The following ZNF254 variants were observed in gnomAD, a reference collection of about 807,000 sequenced individuals.
ZNF254 encodes the protein CTD-2017D11.1.
A neutral mutation model predicts 12.4 loss-of-function variants in ZNF254; 10 were observed. The ratio of observed to expected loss-of-function variants is 0.80; its 90% CI spans 0.50 to 1.36. The LOEUF is 1.36. ZNF254 is among the 40% of genes most tolerant of loss of function. ZNF254 has a pLI of 0.00. For missense variants in ZNF254, 996 were observed against 763.9 expected, an observed-to-expected ratio of 1.30 and a Z score of -3.58; for synonymous variants, 305 against 253.4, an observed-to-expected ratio of 1.20 and a Z score of -1.93.
At chr19:24,090,223 C>A (rs1334277100) in intron 1 of ZNF254, among the ~76,000 whole-genome samples, 1 of 151,678 alleles carries the variant, frequency 6.6e-6, no homozygotes, top group African/African-American at 2.4e-5. Flanking sequence ...CCGCAAAAAA[C>A]TGACCCCAGT....
At chr19:24,106,294 T>G in intron 2 of ZNF254, 1 of 606,638 alleles carries the variant, frequency 1.6e-6, no homozygotes, top group South Asian at 2.4e-5. Flanking sequence ...TTCAGAAGTT[T>G]AGTGGCATAA....
intron 1 of ZNF254, among the ~76,000 whole-genome samples, chr19:24,089,147 T>C (rs1972213719): frequency 1.3e-5 from 2 of 152,032 alleles, no homozygotes; most frequent in Non-Finnish European, 2.9e-5. Flanking sequence ...TGGCTAATTT[T>C]GTGTTTTTAG....
At chr19:24,076,655 G>T (rs1971670791) in intron 2 of ZNF254, among the ~76,000 whole-genome samples, 1 of 151,648 alleles carries the variant, frequency 6.6e-6, no homozygotes. Flanking sequence ...TATTTGAATT[G>T]CAGTGAATAA....
chr19:24,052,089 T>C (rs1467448123), intron 2 of ZNF254, among the ~76,000 whole-genome samples: 1 of 152,166 alleles, frequency 6.6e-6, no homozygotes, highest in Non-Finnish European at 1.5e-5. Context: ...TAGTGTGACA[T>C]ATTGCTGAGC....
rs569487294 is a variant in ZNF254, at chr19:24,041,079, G to C, written c.-189-5105G>C. Among the ~76,000 whole-genome samples the C allele has an allele frequency of 3.0e-4, 45 of 152,344 alleles. No individual in the cohort carries two copies. The East Asian group carries it at 8.5e-3, about 29-fold the overall frequency. Reference sequence around the variant, plus strand: ...TTGAGAAGCAATGGTCAGCTAAGTGGTTCTTAGCCCAGGCTTCCAGTTAGG... The same window carrying C: ...TTGAGAAGCAATGGTCAGCTAAGTGCTTCTTAGCCCAGGCTTCCAGTTAGG... On this transcript the variant is annotated intron_variant, in intron 1 of 4. Transcript: ENST00000613065.
intron 2 of ZNF254, among the ~76,000 whole-genome samples, chr19:24,053,984 C>T (rs908140037): frequency 1.3e-5 from 2 of 152,148 alleles, no homozygotes; most frequent in Non-Finnish European, 2.9e-5. Flanking sequence ...GACCTTGTGA[C>T]ATATATCTGC....
Position 24,046,373 on chromosome 19 carries a change from T to TATATATATATATATATATATATA in ZNF254, c.-94+94_-94+95insATATATATATATATATATATATA, listed in dbSNP as rs1555750839. The TATATATATATATATATATATATA allele has an allele frequency of 1.1e-3, 101 of 95,408 alleles. 3 individuals are homozygous for TATATATATATATATATATATATA. The highest frequency in any genetic ancestry group is 5.5e-3 in the Middle Eastern group (1 of 182). 5.9% of individuals were successfully genotyped at this position (95,408 alleles called of 1,614,324 possible). A position where few individuals can be genotyped will look rare whatever the true frequency, so the allele number is the denominator to read the frequency against. On this transcript the variant is annotated intron_variant, in intron 2 of 4. Transcript: ENST00000613065. ...TTGTCTTCCATTATTTTATTATTTTTTATATATATATATATATATATATAT... is the reference window on the plus strand; with the variant it reads ...TTGTCTTCCATTATTTTATTATTTTTATATATATATATATATATATATATATATATATATATATATATATATAT...
intron 1 of ZNF254, among the ~76,000 whole-genome samples, chr19:24,044,399 A>G (rs1419959960): frequency 6.6e-6 from 1 of 150,414 alleles, no homozygotes; most frequent in Non-Finnish European, 1.5e-5. Flanking sequence ...TTAGCCGGGC[A>G]TGGTGGCAGG....
At chr19:24,087,362 G>C (rs1473451244) in intron 1 of ZNF254, 25 bp downstream of exon 1, 1 of 1,613,272 alleles carries the variant, frequency 6.2e-7, no homozygotes, top group Admixed American at 1.7e-5. Context: ...CCGACATCCC[G>C]AGAGAGGGGA....
At chr19:24,115,829 G>T (rs904854349) in intron 3 of ZNF254, among the ~76,000 whole-genome samples, 1 of 152,158 alleles carries the variant, frequency 6.6e-6, no homozygotes, top group African/African-American at 2.4e-5. Context: ...TGCAGTGGCT[G>T]GTACCGGTTG....
rs1340345634 is a variant in ZNF254 at position 24,128,700 on chromosome 19, C to A, written c.*720C>A. ...CATTAAATATGAAAGATATTCAATC[C>A]AAAATTAAGTCTATGTAAATATCAG... On this transcript the variant is annotated 3_prime_UTR_variant, in exon 4 of 4. Transcript: ENST00000357002. The A allele has an allele frequency of 2.6e-5, 4 of 151,808 alleles. No homozygotes were observed. The allele number at this position is 151,808 out of a possible 1,614,324, so 9.4% of individuals were successfully genotyped here. A position where few individuals can be genotyped will look rare whatever the true frequency, so the allele number is the denominator to read the frequency against.
chr19:24,037,423 T>C (rs1970006418), intron 1 of ZNF254, among the ~76,000 whole-genome samples: 3 of 152,124 alleles, frequency 2.0e-5, no homozygotes, highest in Non-Finnish European at 4.4e-5. Context: ...TAGAAAACTT[T>C]TGTATTTATT....
intron 2 of ZNF254, among the ~76,000 whole-genome samples, chr19:24,060,706 A>T (rs1484884152): frequency 6.6e-6 from 1 of 152,098 alleles, no homozygotes. Flanking sequence ...TTATTGTGAC[A>T]TCTCTAGGTT....
intron 2 of ZNF254, among the ~76,000 whole-genome samples, chr19:24,059,045 T>C (rs1272917815): frequency 6.6e-6 from 1 of 152,202 alleles, no homozygotes; most frequent in Admixed American, 6.5e-5. Context: ...GCAGCAAAGA[T>C]TGTAACATAC....
At chr19:24,103,907 T>C (rs1423865937) in intron 1 of ZNF254, 1 of 152,308 alleles carries the variant, frequency 6.6e-6, no homozygotes, top group African/African-American at 2.4e-5. Flanking sequence ...GTATGTTAGG[T>C]AGAGGTGGGG....
chr19:24,092,273 TCTC>T (rs1319831601), intron 1 of ZNF254, among the ~76,000 whole-genome samples: 1 of 151,620 alleles, frequency 6.6e-6, no homozygotes, highest in Non-Finnish European at 1.5e-5. Context: ...TTCAAGCAAT[TCTC>T]CTGCTTCAGC....
At chr19:24,072,897 C>T (rs994164098) in intron 2 of ZNF254, among the ~76,000 whole-genome samples, 3 of 152,186 alleles carry the variant, frequency 2.0e-5, no homozygotes, top group Non-Finnish European at 4.4e-5. Context: ...TGTTACTCTC[C>T]TGTTTTCTTT....
At chr19:24,053,876 C>T (rs62114773) in intron 2 of ZNF254, among the ~76,000 whole-genome samples, 24,218 of 152,150 alleles carry the variant, frequency 0.16, 2,098 homozygotes, top group Middle Eastern at 0.23. Flanking sequence ...TGTGATTCTC[C>T]TGTTTTCCCT....
chr19:24,041,279 G>A (rs1283792517), intron 1 of ZNF254, among the ~76,000 whole-genome samples: 2 of 152,230 alleles, frequency 1.3e-5, no homozygotes, highest in Non-Finnish European at 2.9e-5. Context: ...GCCAAGGCCG[G>A]AGCCCACTCC....
Sources: allele counts gnomAD v4.1 joint callset (sites outside exome capture counted in the v4.1 genomes callset), GRCh38; gene constraint gnomAD v4.1.1; transcripts MANE v1.5; gene names NCBI Gene and HGNC (gene_info 2026-07-23, HGNC 2026-07-21).